SGSM1: variants seen among roughly 807,000 people sequenced by gnomAD.
The protein encoded by SGSM1 is small G protein signaling modulator 1, also known as RUN and TBC1 domain containing 2.
In SGSM1, 73 loss-of-function variants were observed where a neutral mutation model predicts 133.8. The observed-to-expected ratio is 0.55, with a 90% confidence interval of 0.45 to 0.66. The LOEUF is 0.66. Ranked by LOEUF, SGSM1 falls within the 30% of genes least tolerant of loss-of-function variation. The pLI, the probability that SGSM1 is intolerant of heterozygous loss-of-function variation, is 0.00. For synonymous variants in SGSM1, 563 were observed against 573.0 expected (o/e 0.98, Z 0.25); for missense variants, 1,213 against 1,448.1 (o/e 0.84, Z 2.64).
chr22:24,835,044 C>G (rs959041229), intron 2 of SGSM1, among the ~76,000 whole-genome samples: 6 of 152,152 alleles, frequency 3.9e-5, no homozygotes, highest in African/African-American at 9.7e-5. Context: ...GCCTCCTCCC[C>G]CTCCTTTCCT....
intron 23 of SGSM1, among the ~76,000 whole-genome samples, chr22:24,918,275 C>T (rs1933891059): frequency 6.6e-6 from 1 of 151,954 alleles, no homozygotes; most frequent in Non-Finnish European, 1.5e-5. Context: ...GAGGCCAAGG[C>T]GGTCAGATCA....
intron 24 of SGSM1, among the ~76,000 whole-genome samples, chr22:24,923,153 AG>A (rs1934071991): frequency 6.6e-6 from 1 of 151,308 alleles, no homozygotes; most frequent in Non-Finnish European, 1.5e-5. Context: ...AGAAAAAAAA[AG>A]AAGAAAGTTA....
intron 2 of SGSM1, among the ~76,000 whole-genome samples, chr22:24,828,158 G>C (rs1928902635): frequency 6.6e-6 from 1 of 152,052 alleles, no homozygotes; most frequent in South Asian, 2.1e-4. Context: ...GGGTTTCCTA[G>C]CACCTTGATT....
chr22:24,859,775 G>A lies in SGSM1; in HGVS notation c.861G>A (p.Met287Ile). ...YLSLHQTADVMTLKWTPNQLM... is the reference protein window; with the variant it reads ...YLSLHQTADVITLKWTPNQLM... The stretch of plus-strand genomic sequence containing the variant: ...CCCTGCACCAGACGGCTGACGTCAT[G>A]ACCTTGAAGTGGACACCCAACCAGC... Residue 287 changes from methionine (M) to isoleucine (I), a missense_variant, in exon 9 of 25, where the codon ATG (methionine) becomes ATA (isoleucine). Met to Ile is a conservative substitution (Grantham distance 10). Coordinates refer to ENST00000400358, the MANE Select transcript of SGSM1 (RefSeq NM_001098497.3). 1 of 1,613,988 alleles carries A rather than the reference G, an allele frequency of 6.2e-7. No homozygotes were observed. The highest frequency in any genetic ancestry group is 8.5e-7 in the Non-Finnish European group (1 of 1,179,892).
At chr22:24,912,066 A>G (rs5996791) in intron 21 of SGSM1, among the ~76,000 whole-genome samples, 93 of 16,950 alleles carry the variant, frequency 5.5e-3, no homozygotes, top group African/African-American at 0.021. Flanking sequence ...AAAAAAAAGG[A>G]AAAAAAAAAA....
chr22:24,914,843 C>A (rs1004556665), intron 22 of SGSM1, among the ~76,000 whole-genome samples: 3 of 152,086 alleles, frequency 2.0e-5, no homozygotes, highest in African/African-American at 7.2e-5. Flanking sequence ...GATTTGGATC[C>A]ATTTTCCTGT....
At position 24,868,488 on chromosome 22, in the gene SGSM1, G is replaced by A. The variant is rs1471873345; in HGVS notation, c.1107G>A (p.Gly369=). The A allele has an allele frequency of 1.9e-6, 3 of 1,613,726 alleles. No homozygotes were observed. Among genetic ancestry groups the A allele is most frequent in the Admixed American group, 1.7e-5 (1 of 60,020 alleles). Residue 369 remains glycine, a synonymous_variant, in exon 11 of 25, where the codon GGG becomes GGA. Transcript: ENST00000400358. Reference sequence around the variant, plus strand: ...AGTTCCTCTCGTGCCTGGAGAATGGGCTGCTCCCACATGGGCAGTTGGACC... The same window carrying A: ...AGTTCCTCTCGTGCCTGGAGAATGGACTGCTCCCACATGGGCAGTTGGACC... ...LLQFLSCLEN[G]LLPHGQLDPP... is the part of the protein sequence containing the mutation.
At chr22:24,900,414 T>TCTCTC (rs1484572431) in intron 19 of SGSM1, among the ~76,000 whole-genome samples, 3 of 146,228 alleles carry the variant, frequency 2.1e-5, no homozygotes, top group African/African-American at 7.8e-5. Context: ...TTTCTGTATT[T>TCTCTC]TTGAGACAGA....
chr22:24,845,943 TTCTTTCTTTC>T lies in SGSM1; in HGVS notation c.139+973_139+982del, dbSNP rs1930086345. 2.0e-4 allele frequency among the ~76,000 whole-genome samples: 6 copies of T among 29,938 alleles called. No individual in the cohort carries two copies. The Admixed American group carries it at 2.1e-3, about 10-fold the overall frequency. The allele number at this position is 29,938 out of a possible 152,430, so 19.6% of individuals were successfully genotyped here. A position where few individuals can be genotyped will look rare whatever the true frequency, so the allele number is the denominator to read the frequency against. ...GGCAAGATCTTTCTTTTCTTTTCTTTTCTTTCTTTCTTTCTTTCTTTCTTTCTTTCTTTCT... is the reference window on the plus strand; with the variant it reads ...GGCAAGATCTTTCTTTTCTTTTCTTTTTTCTTTCTTTCTTTCTTTCTTTCT... On this transcript the variant is annotated intron_variant, in intron 3 of 24. Coordinates refer to ENST00000400358, the MANE Select transcript of SGSM1 (RefSeq NM_001098497.3).
intron 2 of SGSM1, 124 bp from the exon 3 acceptor site, chr22:24,844,773 G>A: frequency 2.7e-6 from 2 of 735,622 alleles, no homozygotes; most frequent in Non-Finnish European, 4.4e-6. Context: ...GAAAGCAGGT[G>A]TCAAAACATC....
intron 18 of SGSM1, 117 bp from the exon 19 acceptor site, chr22:24,897,855 C>A: frequency 1.1e-6 from 1 of 876,530 alleles, no homozygotes; most frequent in Non-Finnish European, 1.8e-6. Context: ...TGGTATTCCA[C>A]TGCATGCTTG....
At chr22:24,809,655 CTG>C (rs1265957909) in intron 2 of SGSM1, among the ~76,000 whole-genome samples, 1 of 152,202 alleles carries the variant, frequency 6.6e-6, no homozygotes, top group Non-Finnish European at 1.5e-5. Flanking sequence ...TTACTGAGGG[CTG>C]TGTGTCAGAC....
chr22:24,904,516 C>G lies in SGSM1; in HGVS notation c.2736-589C>G, dbSNP rs1423727105. The stretch of plus-strand genomic sequence containing the variant: ...AATGTCGTGAACCCAGGGGGCGGAG[C>G]CTGCAGTGAGCAGAGATCACGCCAC... On this transcript the variant is annotated intron_variant, in intron 20 of 24. Coordinates refer to ENST00000400358, the MANE Select transcript of SGSM1 (RefSeq NM_001098497.3). Among the ~76,000 whole-genome samples, 3 of 149,992 alleles carry G rather than the reference C, an allele frequency of 2.0e-5. No individual in the cohort carries two copies. The East Asian group carries it at 6.0e-4, about 30-fold the overall frequency.
rs1006599830 is a variant in SGSM1 at position 24,859,717 on chromosome 22, G to A, written c.803G>A (p.Arg268Lys). Residue 268 changes from arginine (R) to lysine (K), a missense_variant and splice_region_variant, in exon 9 of 25, where the codon AGG (arginine) becomes AAG (lysine). Arg to Lys is a conservative substitution (Grantham distance 26). Coordinates refer to ENST00000400358, the MANE Select transcript of SGSM1 (RefSeq NM_001098497.3). ...YGKNNVLVQP[R>K]DDMEAVPGYL... is the part of the protein sequence containing the mutation. ...ACCTGAGTCCTCCTCTCTCTGCAGAGGGACGACATGGAGGCTGTGCCAGGG... is the reference window on the plus strand; with the variant it reads ...ACCTGAGTCCTCCTCTCTCTGCAGAAGGACGACATGGAGGCTGTGCCAGGG... 1 of 1,613,780 alleles carries A rather than the reference G, an allele frequency of 6.2e-7. No homozygotes were observed. The highest frequency in any genetic ancestry group is 8.5e-7 in the Non-Finnish European group (1 of 1,179,850).
At chr22:24,864,738 AAC>A (rs1931353605) in intron 9 of SGSM1, among the ~76,000 whole-genome samples, 1 of 152,228 alleles carries the variant, frequency 6.6e-6, no homozygotes, top group Non-Finnish European at 1.5e-5. Context: ...AAAATGTTCT[AAC>A]ACTGGCTTGT....
intron 9 of SGSM1, among the ~76,000 whole-genome samples, chr22:24,862,717 A>C (rs2147865583): frequency 6.6e-6 from 1 of 152,288 alleles, no homozygotes; most frequent in South Asian, 2.1e-4. Flanking sequence ...CTTACATTCT[A>C]CTGGAAGACA....
chr22:24,881,522 C>T (rs1221707010), intron 14 of SGSM1, among the ~76,000 whole-genome samples: 6 of 151,636 alleles, frequency 4.0e-5, no homozygotes, highest in South Asian at 2.1e-4. Flanking sequence ...GTTGAGATCG[C>T]GCCACTGCAC....
intron 3 of SGSM1, among the ~76,000 whole-genome samples, chr22:24,845,416 G>A (rs1156814864): frequency 6.6e-6 from 1 of 152,160 alleles, no homozygotes; most frequent in East Asian, 1.9e-4. Context: ...CTCAGAGCGT[G>A]ACTCAGACAT....
At position 24,865,583 on chromosome 22, in the gene SGSM1, A is replaced by C. The variant is rs942557203; in HGVS notation, c.927-1510A>C. 2.0e-5 allele frequency among the ~76,000 whole-genome samples: 3 copies of C among 152,192 alleles called. No homozygotes were observed. The South Asian group carries it at 6.2e-4, about 32-fold the overall frequency. ...CAGAAACTGAGGTAGGAACTGGCTA[A>C]GGTCTCTGGTGGAAGTGGGATTTGA... On this transcript the variant is annotated intron_variant, in intron 9 of 24. Coordinates refer to ENST00000400358, the MANE Select transcript of SGSM1 (RefSeq NM_001098497.3).
Sources: allele counts gnomAD v4.1 joint callset (sites outside exome capture counted in the v4.1 genomes callset), GRCh38; gene constraint gnomAD v4.1.1; transcripts MANE v1.5; gene names NCBI Gene and HGNC (gene_info 2026-07-23, HGNC 2026-07-21).